Variants in SORL1 observed in about 807,000 individuals in gnomAD.
The protein encoded by SORL1 is sortilin related receptor 1.
A neutral mutation model predicts 273.7 loss-of-function variants in SORL1; 127 were observed. The observed-to-expected ratio is 0.46, with a 90% CI of 0.40 to 0.54. The LOEUF (loss-of-function observed/expected upper bound fraction) is 0.54, where lower values mean the gene tolerates loss of function less well. SORL1 is among the 20% of genes least tolerant of loss of function. The pLI is 0.00. For missense variants in SORL1, 2,494 were observed against 2,846.1 expected, an observed-to-expected ratio of 0.88 and a Z score of 2.81; for synonymous variants, 1,031 against 1,067.4, an observed-to-expected ratio of 0.97 and a Z score of 0.66.
chr11:121,454,156 G>A (rs1422902144), intron 1 of SORL1, among the ~76,000 whole-genome samples: 1 of 152,228 alleles, frequency 6.6e-6, no homozygotes, highest in Non-Finnish European at 1.5e-5. Flanking sequence ...GCTCTTAACA[G>A]CGACACCAGC....
intron 21 of SORL1, among the ~76,000 whole-genome samples, chr11:121,561,614 G>A (rs1209117794): frequency 6.6e-6 from 1 of 151,398 alleles, no homozygotes; most frequent in East Asian, 2.0e-4. Flanking sequence ...ACCTGAGCTC[G>A]GGAGGTTGAG....
chr11:121,469,098 A>T (rs1266965527), intron 1 of SORL1, among the ~76,000 whole-genome samples: 3 of 152,160 alleles, frequency 2.0e-5, no homozygotes, highest in African/African-American at 7.2e-5. Flanking sequence ...TTCCATGGGG[A>T]TGCAGCCTCC....
intron 7 of SORL1, among the ~76,000 whole-genome samples, chr11:121,513,450 A>G (rs1377599482): frequency 2.6e-5 from 4 of 152,334 alleles, no homozygotes; most frequent in African/African-American, 7.2e-5. Flanking sequence ...GATTGCTTGC[A>G]GGGGATGAAT....
At chr11:121,593,028 G>A (rs1197486686) in intron 31 of SORL1, among the ~76,000 whole-genome samples, 8 of 152,274 alleles carry the variant, frequency 5.3e-5, no homozygotes, top group East Asian at 1.9e-4. Context: ...TAGTGTAGAA[G>A]TCTTCTAACT....
At chr11:121,491,508 A>G in intron 5 of SORL1, among the ~76,000 whole-genome samples, 1 of 152,162 alleles carries the variant, frequency 6.6e-6, no homozygotes, top group East Asian at 1.9e-4. Flanking sequence ...GATATTGCAA[A>G]CTTGACCCCT....
chr11:121,461,862 T>C (rs990112527), intron 1 of SORL1, among the ~76,000 whole-genome samples: 17 of 152,226 alleles, frequency 1.1e-4, no homozygotes, highest in Non-Finnish European at 2.2e-4. Context: ...GAGGAATGGC[T>C]TATTTTGGTT....
At chr11:121,598,476 A>G (rs1297012889) in intron 32 of SORL1, among the ~76,000 whole-genome samples, 1 of 152,204 alleles carries the variant, frequency 6.6e-6, no homozygotes, top group African/African-American at 2.4e-5. Flanking sequence ...GGGTTCATTG[A>G]TTGACATCAG....
chr11:121,616,132 T>G (rs923472530), intron 41 of SORL1, among the ~76,000 whole-genome samples: 1 of 152,178 alleles, frequency 6.6e-6, no homozygotes, highest in Non-Finnish European at 1.5e-5. Context: ...TCCATTTATA[T>G]ACCTGGCAGC....
rs761122217 is a variant in SORL1, at chr11:121,478,220, C to T, written c.505C>T (p.His169Tyr). The T allele has an allele frequency of 4.3e-6, 7 of 1,614,108 alleles. No homozygotes were observed. The South Asian group carries it at 6.6e-5, about 15-fold the overall frequency. ...TGAAGCTGTTATCGCCCAGTTCTAC[C>T]ACAGCCCTGCGGACAACAAGCGGGT... ...RSEAVIAQFY[H>Y]SPADNKRYIF... The change falls in exon 3 of 48, where the codon CAC becomes TAC. Residue 169 changes from histidine to tyrosine, a missense_variant. Physicochemically the swap from His to Tyr is moderately conservative, Grantham distance 83. Transcript: ENST00000260197.
intron 14 of SORL1, among the ~76,000 whole-genome samples, chr11:121,545,952 A>G (rs1862419805): frequency 6.6e-6 from 1 of 152,260 alleles, no homozygotes; most frequent in Non-Finnish European, 1.5e-5. Flanking sequence ...CAAGTGCCTC[A>G]GAGGAGGAAC....
chr11:121,590,721 C>G, intron 30 of SORL1: 1 of 669,408 alleles, frequency 1.5e-6, no homozygotes, highest in South Asian at 1.6e-5. Flanking sequence ...CCACCTGTTT[C>G]TTTCACCAGC....
intron 11 of SORL1, among the ~76,000 whole-genome samples, chr11:121,529,448 C>A (rs147919152): frequency 0.016 from 2,485 of 152,276 alleles, 56 homozygotes; most frequent in African/African-American, 0.056. Flanking sequence ...AACTCCTGAC[C>A]TCAAGTGATC....
intron 6 of SORL1, among the ~76,000 whole-genome samples, chr11:121,502,734 T>C (rs1479169258): frequency 2.0e-5 from 3 of 152,238 alleles, no homozygotes; most frequent in Non-Finnish European, 2.9e-5. Flanking sequence ...TAAATTGGGT[T>C]CTTTTTTATT....
intron 14 of SORL1, among the ~76,000 whole-genome samples, chr11:121,547,624 G>A (rs565526018): frequency 6.6e-6 from 1 of 151,796 alleles, no homozygotes; most frequent in Admixed American, 6.6e-5. Flanking sequence ...TGCCCCTTGT[G>A]GAGTTGGGTT....
chr11:121,548,097 C>T (rs7103597), intron 14 of SORL1, among the ~76,000 whole-genome samples: 53,787 of 152,076 alleles, frequency 0.35, 9,957 homozygotes, highest in Middle Eastern at 0.49. Context: ...CTCTTATGAC[C>T]CTGTACTTAC....
intron 2 of SORL1, among the ~76,000 whole-genome samples, chr11:121,476,527 T>A (rs1315633376): frequency 1.3e-5 from 2 of 152,250 alleles, no homozygotes; most frequent in Non-Finnish European, 2.9e-5. Context: ...TTTACATGTT[T>A]ACATGCCCAT....
intron 6 of SORL1, among the ~76,000 whole-genome samples, chr11:121,505,427 T>C (rs1375680696): frequency 6.6e-6 from 1 of 152,064 alleles, no homozygotes; most frequent in Non-Finnish European, 1.5e-5. Context: ...TTTTCTTTAT[T>C]ATTTTTCTCT....
At chr11:121,613,230 T>TTATG (rs746730896) in intron 40 of SORL1, among the ~76,000 whole-genome samples, 33 of 152,236 alleles carry the variant, frequency 2.2e-4, no homozygotes, top group Non-Finnish European at 3.8e-4. Context: ...GCAGAAGGCC[T>TTATG]TATGCATAAC....
intron 14 of SORL1, among the ~76,000 whole-genome samples, chr11:121,546,604 G>T (rs1218627566): frequency 6.6e-6 from 1 of 152,200 alleles, no homozygotes; most frequent in East Asian, 1.9e-4. Flanking sequence ...AACCTCTGAT[G>T]TATTCTAGAC....
Sources: gnomAD v4.1 joint callset for allele counts (sites outside exome capture counted in the v4.1 genomes callset) on GRCh38, gnomAD v4.1.1 for gene constraint, MANE v1.5 for transcripts, NCBI Gene and HGNC (gene_info 2026-07-23, HGNC 2026-07-21) for gene names.